TPMT: variants seen among roughly 807,000 people sequenced by gnomAD.
TPMT encodes the protein S-adenosyl-L-methionine:thiopurine S-methyltransferase.
TPMT carries 18 observed loss-of-function variants against 34.2 expected under a neutral mutation model. The ratio of observed to expected loss-of-function variants is 0.53; its 90% CI spans 0.36 to 0.78. The LOEUF is 0.78. TPMT is among the 30% of genes least tolerant of loss of function. The pLI, the probability that TPMT is intolerant of heterozygous loss-of-function variation, is 0.00. For synonymous variants in TPMT, 69 were observed against 92.4 expected (o/e 0.75, Z 1.45); for missense variants, 265 against 288.1 (o/e 0.92, Z 0.58).
At chr6:18,147,936 G>A in intron 2 of TPMT, 21 bp from the exon 3 acceptor site, 1 of 1,555,570 alleles carries the variant, frequency 6.4e-7, no homozygotes, top group Non-Finnish European at 8.9e-7. Context: ...AAAAAAAAAA[G>A]GTTTTAGGAC....
chr6:18,149,895 C>A lies in TPMT; in HGVS notation c.-44-724G>T, dbSNP rs1041265145. Among the ~76,000 whole-genome samples the A allele has an allele frequency of 3.9e-5, 6 of 152,156 alleles. No homozygotes were observed. ...AATTCTATCTTAATATTAGTGTTTC[C>A]TCTGCTCTCACACCCCAATCATCAA... On this transcript the variant is annotated intron_variant, in intron 1 of 8. Transcript: ENST00000309983. This position sits in a 1 kb window ranked among gnomAD's most constrained non-coding sequence, Gnocchi z 5.0.
Position 18,143,317 on chromosome 6 carries a change from G to T in TPMT, c.366+279C>A, listed in dbSNP as rs372053600. 7.6e-4 allele frequency among the ~76,000 whole-genome samples: 115 copies of T among 152,180 alleles called. No individual in the cohort carries two copies. Among genetic ancestry groups the T allele is most frequent in the African/African-American group, 2.6e-3 (109 of 41,528 alleles). On this transcript the variant is annotated intron_variant, in intron 4 of 8. Coordinates refer to ENST00000309983, the MANE Select transcript of TPMT (RefSeq NM_000367.5). The surrounding 1 kb of genome is among the most constrained non-coding windows in gnomAD (Gnocchi z 6.1). ...CTTAGGCAGGGTCTGGCACATGATG[G>T]GTTCTCAGAAAATGCGTGTTAATAA... is the stretch of plus-strand genomic sequence containing the variant.
chr6:18,154,795 T>A lies in TPMT; in HGVS notation c.-45+238A>T, dbSNP rs1311590284. ...CTCTAAAAGAAAAAAGAAAAAAAAA[T>A]AATTAAAACACACCAGTGCTTTGGA... On this transcript the variant is annotated intron_variant, in intron 1 of 8. Coordinates refer to ENST00000309983, the MANE Select transcript of TPMT (RefSeq NM_000367.5). The surrounding 1 kb of genome is among the most constrained non-coding windows in gnomAD (Gnocchi z 4.2). Among the ~76,000 whole-genome samples, 1 of 151,800 alleles carries A rather than the reference T, an allele frequency of 6.6e-6. No homozygotes were observed. Among genetic ancestry groups the A allele is most frequent in the Non-Finnish European group, 1.5e-5 (1 of 67,924 alleles).
At chr6:18,137,173 C>T (rs969253165) in intron 6 of TPMT, among the ~76,000 whole-genome samples, 92 of 151,780 alleles carry the variant, frequency 6.1e-4, no homozygotes, top group South Asian at 2.1e-4. Flanking sequence ...AATCTCACTC[C>T]GTTGCCCAGG....
In TPMT at chr6:18,147,926, A is replaced by C; in HGVS notation, c.141-11T>G. On this transcript the variant is annotated splice_polypyrimidine_tract_variant and intron_variant, in intron 2 of 8. Coordinates refer to ENST00000309983, the MANE Select transcript of TPMT (RefSeq NM_000367.5). ...TGCTTCTTTAATAGCCTGAAGAGGA[A>C]AAAAAAAAAGGTTTTAGGACAATTG... 6.4e-7 allele frequency: 1 copy of C among 1,560,190 alleles called. No individual in the cohort carries two copies. The highest frequency in any genetic ancestry group is 1.7e-5 in the Admixed American group (1 of 57,592).
Position 18,146,038 on chromosome 6 carries a change from C to A in TPMT, c.233+1785G>T, listed in dbSNP as rs1784240219. Among the ~76,000 whole-genome samples, 1 of 152,118 alleles carries A rather than the reference C, an allele frequency of 6.6e-6. No individual in the cohort carries two copies. The highest frequency in any genetic ancestry group is 1.9e-4 in the East Asian group (1 of 5,186). ...GTTTTAATGCTTTTTGGCCTTAGCT[C>A]ATGGTCAGTTTTTCTATTCACATCT... On this transcript the variant is annotated intron_variant, in intron 3 of 8. Transcript: ENST00000309983. The surrounding 1 kb of genome is among the most constrained non-coding windows in gnomAD (Gnocchi z 6.2).
In TPMT at chr6:18,131,052, C is replaced by T. The variant is rs900343276; in HGVS notation, c.626-272G>A. Among the ~76,000 whole-genome samples the T allele has an allele frequency of 1.1e-4, 16 of 152,158 alleles. No homozygotes were observed. The highest frequency in any genetic ancestry group is 5.9e-5 in the Non-Finnish European group (4 of 68,028). On this transcript the variant is annotated intron_variant, in intron 8 of 8. Transcript: ENST00000309983. This position sits in a 1 kb window ranked among gnomAD's most constrained non-coding sequence, Gnocchi z 4.3. ...ACTTGGGAGGTTGAGGCAGGAGAAT[C>T]GCTTGAACCCGGGAGATGGAGGTTG... is the stretch of plus-strand genomic sequence containing the variant.
At chr6:18,133,535 C>G (rs573063858) in intron 7 of TPMT, among the ~76,000 whole-genome samples, 3 of 152,282 alleles carry the variant, frequency 2.0e-5, no homozygotes, top group South Asian at 4.1e-4. Flanking sequence ...TCTTCTGTAT[C>G]AGGATCATCC....
In TPMT at chr6:18,138,756, C is replaced by T. The variant is rs1230880821; in HGVS notation, c.494+207G>A. On this transcript the variant is annotated intron_variant, in intron 6 of 8. Transcript: ENST00000309983. This position sits in a 1 kb window ranked among gnomAD's most constrained non-coding sequence, Gnocchi z 4.1. Reference sequence around the variant, plus strand: ...ACACAGCTTGAAAGTGATTGAGCCACAAGCCTTATAGCCTTACACCCAGGT... The same window carrying T: ...ACACAGCTTGAAAGTGATTGAGCCATAAGCCTTATAGCCTTACACCCAGGT... 6.6e-6 allele frequency among the ~76,000 whole-genome samples: 1 copy of T among 152,188 alleles called. No individual in the cohort carries two copies. Among genetic ancestry groups the T allele is most frequent in the African/African-American group, 2.4e-5 (1 of 41,440 alleles).
At chr6:18,141,946 G>C (rs2150714488) in intron 4 of TPMT, among the ~76,000 whole-genome samples, 1 of 152,286 alleles carries the variant, frequency 6.6e-6, no homozygotes, top group African/African-American at 2.4e-5. Flanking sequence ...GCCACCTGTA[G>C]AGTAAGAAGC....
chr6:18,141,098 A>G (rs376282468), intron 4 of TPMT, among the ~76,000 whole-genome samples: 1 of 152,136 alleles, frequency 6.6e-6, no homozygotes, highest in African/African-American at 2.4e-5. Context: ...CCCTACCCCT[A>G]TAGATTCTGA....
At chr6:18,133,713 T>C (rs1783988219) in intron 7 of TPMT, 91 bp downstream of exon 7, 1 of 971,186 alleles carries the variant, frequency 1.0e-6, no homozygotes, top group South Asian at 1.5e-5. Context: ...TGAGATAAAT[T>C]AGGAGAAAAT....
chr6:18,132,429 G>C lies in TPMT; in HGVS notation c.581-252C>G, dbSNP rs1209033413. ...ACTTAGGCTCATTGAAATCAGAGTG[G>C]ATTCCATCAGCAGATTCCTTGGGGG... On this transcript the variant is annotated intron_variant, in intron 7 of 8. Transcript: ENST00000309983. This position sits in a 1 kb window ranked among gnomAD's most constrained non-coding sequence, Gnocchi z 4.8. Among the ~76,000 whole-genome samples the C allele has an allele frequency of 6.6e-6, 1 of 152,128 alleles. No homozygotes were observed. The highest frequency in any genetic ancestry group is 1.9e-4 in the East Asian group (1 of 5,184).
rs767954730 is a variant in TPMT at position 18,147,880 on chromosome 6, C to T, written c.176G>A (p.Gly59Asp). The change falls in exon 3 of 9, where the codon GGC becomes GAC. Residue 59 changes from glycine (G) to aspartate (D), a missense_variant. Transcript: ENST00000309983. ...LKKHLDTFLKGKSGLRVFFPL... is the reference protein window; with the variant it reads ...LKKHLDTFLKDKSGLRVFFPL... ...AAAAAATACCCTCAGTCCACTCTTG[C>T]CTTTAAGGAAAGTATCTAAATGCTT... 4 of 1,613,720 alleles carry T rather than the reference C, an allele frequency of 2.5e-6. No homozygotes were observed. The South Asian group carries it at 4.4e-5, about 18-fold the overall frequency.
At chr6:18,133,617 T>C (rs1783986828) in intron 7 of TPMT, 187 bp downstream of exon 7, 2 of 573,672 alleles carry the variant, frequency 3.5e-6, no homozygotes, top group Non-Finnish European at 6.2e-6. Flanking sequence ...GAAAATCATG[T>C]ACAATATAGA....
Position 18,139,306 on chromosome 6 carries a change from C to T in TPMT, c.420-269G>A, listed in dbSNP as rs1784097898. Among the ~76,000 whole-genome samples the T allele has an allele frequency of 1.3e-5, 2 of 152,182 alleles. No individual in the cohort carries two copies. Among genetic ancestry groups the T allele is most frequent in the African/African-American group, 2.4e-5 (1 of 41,442 alleles). ...CAAAGGACAGTGTGCAACAACTCTG[C>T]CCCCAGCCTCTGGCTCAGGTATCAG... is the stretch of plus-strand genomic sequence containing the variant. On this transcript the variant is annotated intron_variant, in intron 5 of 8. Transcript: ENST00000309983. This position sits in a 1 kb window ranked among gnomAD's most constrained non-coding sequence, Gnocchi z 4.2.
Position 18,138,264 on chromosome 6 carries a change from GTTT to G in TPMT, c.494+696_494+698del, listed in dbSNP as rs11341076. Among the ~76,000 whole-genome samples the G allele has an allele frequency of 7.1e-6, 1 of 140,544 alleles. No homozygotes were observed. Among genetic ancestry groups the G allele is most frequent in the Admixed American group, 7.1e-5 (1 of 14,096 alleles). The allele number at this position is 140,544 out of a possible 152,430, so 92.2% of individuals were successfully genotyped here. ...CCACATGAAATATTTTGATTTTTTT[GTTT>G]TTTTTTTTTTTTAAATATTTTACAG... On this transcript the variant is annotated intron_variant, in intron 6 of 8. Transcript: ENST00000309983. The surrounding 1 kb of genome is among the most constrained non-coding windows in gnomAD (Gnocchi z 4.1).
Position 18,139,092 on chromosome 6 carries a change from T to A in TPMT, c.420-55A>T, listed in dbSNP as rs976236762. On this transcript the variant is annotated intron_variant, in intron 5 of 8. Transcript: ENST00000309983. This position sits in a 1 kb window ranked among gnomAD's most constrained non-coding sequence, Gnocchi z 4.2. ...GAGAAAAATCAAATCTTTAAGAAGA[T>A]GAGCAGCGTCCCCCATGGTGCATGC... 9.5e-6 allele frequency: 14 copies of A among 1,469,690 alleles called. No individual in the cohort carries two copies. Among genetic ancestry groups the A allele is most frequent in the Middle Eastern group, 1.8e-4 (1 of 5,694 alleles). 91.0% of individuals were successfully genotyped at this position (1,469,690 alleles called of 1,614,324 possible).
rs1196956969 is a variant in TPMT at position 18,132,533 on chromosome 6, T to G, written c.581-356A>C. On this transcript the variant is annotated intron_variant, in intron 7 of 8. Transcript: ENST00000309983. This position sits in a 1 kb window ranked among gnomAD's most constrained non-coding sequence, Gnocchi z 4.8. ...ATTTTATACACCCCTCCCGCTCTGC[T>G]GCAGGATATAGAGTATAAGGAAGCT... Among the ~76,000 whole-genome samples the G allele has an allele frequency of 6.6e-6, 1 of 152,126 alleles. No homozygotes were observed. The highest frequency in any genetic ancestry group is 1.5e-5 in the Non-Finnish European group (1 of 68,032).
Sources: allele counts gnomAD v4.1 joint callset (sites outside exome capture counted in the v4.1 genomes callset), GRCh38; gene constraint gnomAD v4.1.1; non-coding constraint Gnocchi (gnomAD v3.1); transcripts MANE v1.5; gene names NCBI Gene and HGNC (gene_info 2026-07-23, HGNC 2026-07-21).